CYB5RL: variants seen among roughly 807,000 people sequenced by gnomAD.
The protein encoded by CYB5RL is cytochrome b5 reductase like.
Under a neutral mutation model 37.5 loss-of-function variants are expected in CYB5RL, and 38 were observed. The observed-to-expected ratio is 1.01, with a 90% CI of 0.78 to 1.33. CYB5RL has a LOEUF of 1.33. Ranked by LOEUF, CYB5RL falls within the 40% of genes most tolerant of loss-of-function variation. The pLI is 0.00. For synonymous variants in CYB5RL, 141 were observed against 151.9 expected, an observed-to-expected ratio of 0.93 and a Z score of 0.53; for missense variants, 388 against 394.4, an observed-to-expected ratio of 0.98 and a Z score of 0.14.
intron 7 of CYB5RL, 148 bp downstream of exon 7, chr1:54,179,001 T>C (rs139065999): frequency 2.3e-6 from 2 of 880,052 alleles, no homozygotes; most frequent in Admixed American, 2.4e-5. Flanking sequence ...TGAGAACACC[T>C]GCCTTCCATA....
At position 54,172,243 on chromosome 1, in the gene CYB5RL, T is replaced by C. The variant is rs1659909663; in HGVS notation, c.*2376A>G. Reference sequence around the variant, plus strand: ...GTGCAGTGGCTCAATCACAGCTCACTGTAGCCTCGACCTCCTTGGCTCAAG... The same window carrying C: ...GTGCAGTGGCTCAATCACAGCTCACCGTAGCCTCGACCTCCTTGGCTCAAG... On this transcript the variant is annotated 3_prime_UTR_variant, in exon 8 of 8. Transcript: ENST00000534324. The C allele has an allele frequency of 1.3e-5, 2 of 151,964 alleles. No homozygotes were observed. The highest frequency in any genetic ancestry group is 2.4e-5 in the African/African-American group (1 of 41,352). The allele number at this position is 151,964 out of a possible 1,614,324, so 9.4% of individuals were successfully genotyped here. A position where few individuals can be genotyped will look rare whatever the true frequency, so the allele number is the denominator to read the frequency against.
At chr1:54,183,347 T>C (rs1660211506) in intron 6 of CYB5RL, among the ~76,000 whole-genome samples, 1 of 152,226 alleles carries the variant, frequency 6.6e-6, no homozygotes, top group South Asian at 2.1e-4. Flanking sequence ...CGGACTTCCA[T>C]AAGTGGAATT....
chr1:54,183,652 T>A (rs1214570425), intron 6 of CYB5RL, among the ~76,000 whole-genome samples: 1 of 152,122 alleles, frequency 6.6e-6, no homozygotes, highest in Non-Finnish European at 1.5e-5. Context: ...CCTGGGTAGC[T>A]TTGGAGCTGG....
chr1:54,174,853 C>A (rs772460875), intron 7 of CYB5RL, 31 bp from the exon 8 acceptor site: 3 of 1,602,482 alleles, frequency 1.9e-6, no homozygotes, highest in East Asian at 2.2e-5. Flanking sequence ...TGGGTGACTA[C>A]AAGGGAGCGG....
chr1:54,181,789 A>C (rs1660167266), intron 6 of CYB5RL, among the ~76,000 whole-genome samples: 7 of 152,158 alleles, frequency 4.6e-5, no homozygotes, highest in Admixed American at 4.6e-4. Context: ...CTGTGTCTAC[A>C]AAAAAATACA....
chr1:54,175,692 T>A, intron 7 of CYB5RL: 1 of 439,406 alleles, frequency 2.3e-6, no homozygotes, highest in South Asian at 1.6e-5. Flanking sequence ...TAAAAAACAT[T>A]AAAAAATAAC....
At chr1:54,197,641 C>T (rs568878550) in intron 1 of CYB5RL, among the ~76,000 whole-genome samples, 6 of 152,136 alleles carry the variant, frequency 3.9e-5, no homozygotes, top group Admixed American at 1.3e-4. Flanking sequence ...TATGCTAATC[C>T]GACTTCAGTG....
intron 5 of CYB5RL, among the ~76,000 whole-genome samples, chr1:54,186,690 C>T (rs1363502558): frequency 6.6e-6 from 1 of 151,976 alleles, no homozygotes; most frequent in East Asian, 1.9e-4. Context: ...ATCTCCCAGA[C>T]AAACAGTTGC....
chr1:54,177,155 G>C (rs1660041691), intron 7 of CYB5RL, among the ~76,000 whole-genome samples: 1 of 152,208 alleles, frequency 6.6e-6, no homozygotes, highest in Non-Finnish European at 1.5e-5. Flanking sequence ...GCTAGAAACA[G>C]GGTGGTGGTA....
At chr1:54,178,021 C>T (rs58749270) in intron 7 of CYB5RL, among the ~76,000 whole-genome samples, 2,126 of 152,296 alleles carry the variant, frequency 0.014, 52 homozygotes, top group African/African-American at 0.048. Flanking sequence ...GCCCATCCCT[C>T]GCGCCCACCC....
intron 4 of CYB5RL, 39 bp from the exon 5 acceptor site, chr1:54,187,778 C>A: frequency 6.3e-7 from 1 of 1,585,508 alleles, no homozygotes; most frequent in Non-Finnish European, 8.7e-7. Flanking sequence ...GCCAGTCATT[C>A]AGCAAACCCT....
intron 1 of CYB5RL, among the ~76,000 whole-genome samples, chr1:54,198,868 CAA>C (rs1164782630): frequency 2.0e-5 from 3 of 152,084 alleles, no homozygotes; most frequent in Non-Finnish European, 4.4e-5. Flanking sequence ...CTCCTGGCCT[CAA>C]GTGGCCCCTC....
intron 7 of CYB5RL, among the ~76,000 whole-genome samples, chr1:54,178,886 C>T (rs1660085163): frequency 6.6e-6 from 1 of 152,218 alleles, no homozygotes; most frequent in Non-Finnish European, 1.5e-5. Context: ...GCTCAGCAAC[C>T]AGACAGCCCT....
At chr1:54,189,849 C>A (rs1359281177) in intron 4 of CYB5RL, among the ~76,000 whole-genome samples, 2 of 152,236 alleles carry the variant, frequency 1.3e-5, no homozygotes, top group Admixed American at 6.5e-5. Flanking sequence ...AGAGTCTGAG[C>A]AGCAGTGAGT....
chr1:54,180,381 G>A (rs886190914), intron 6 of CYB5RL: 52 of 305,704 alleles, frequency 1.7e-4, no homozygotes, highest in African/African-American at 9.2e-4. Context: ...CAAGGCAGGC[G>A]GTTCACGAGG....
chr1:54,191,684 C>G (rs973734062), intron 3 of CYB5RL, among the ~76,000 whole-genome samples: 2 of 152,228 alleles, frequency 1.3e-5, no homozygotes, highest in Non-Finnish European at 2.9e-5. Flanking sequence ...TCTGGAACCC[C>G]AGTTACCCAT....
rs1041222931 is a variant in CYB5RL, at chr1:54,190,462, C to T, written c.347+286G>A. The stretch of plus-strand genomic sequence containing the variant: ...TTCAATTTCCTCTGGGGTATAACTG[C>T]ACCTACCACACAGGATTTTGTGAGG... On this transcript the variant is annotated intron_variant, in intron 4 of 7. Transcript: ENST00000534324. 7 of 586,754 alleles carry T rather than the reference C, an allele frequency of 1.2e-5. No individual in the cohort carries two copies. In the African/African-American group the frequency reaches 1.3e-4, roughly 11 times the overall value. 36.3% of individuals were successfully genotyped at this position (586,754 alleles called of 1,614,324 possible). A position where few individuals can be genotyped will look rare whatever the true frequency, so the allele number is the denominator to read the frequency against.
At chr1:54,190,683 G>A (rs1329218162) in intron 4 of CYB5RL, 65 bp downstream of exon 4, 3 of 1,544,986 alleles carry the variant, frequency 1.9e-6, no homozygotes, top group African/African-American at 2.7e-5. Flanking sequence ...GTTGGTCAAG[G>A]CCAGCAGCTA....
In CYB5RL at chr1:54,173,286, T is replaced by A. The variant is rs1659936595; in HGVS notation, c.*1333A>T. On this transcript the variant is annotated 3_prime_UTR_variant, in exon 8 of 8. Transcript: ENST00000534324. ...AAATAAAAATAATTCAAAACCCCAA[T>A]ATATGAATGGGATAAAAATGCAGCT... 6.6e-6 allele frequency: 1 copy of A among 152,160 alleles called. No homozygotes were observed. 9.4% of individuals were successfully genotyped at this position (152,160 alleles called of 1,614,324 possible).
Sources: gnomAD v4.1 joint callset for allele counts (sites outside exome capture counted in the v4.1 genomes callset) on GRCh38, gnomAD v4.1.1 for gene constraint, MANE v1.5 for transcripts, NCBI Gene and HGNC (gene_info 2026-07-23, HGNC 2026-07-21) for gene names.